Variants in PCDHGB1 observed in about 807,000 individuals in gnomAD.
The protein encoded by PCDHGB1 is protocadherin gamma subfamily B, 1.
PCDHGB1 carries 34 observed loss-of-function variants against 56.6 expected under a neutral mutation model. The ratio of observed to expected loss-of-function variants is 0.60; its 90% CI spans 0.46 to 0.80. The LOEUF is 0.80. PCDHGB1 is among the 30% of genes least tolerant of loss of function. The pLI is 0.00. For synonymous variants in PCDHGB1, 561 were observed against 505.9 expected (o/e 1.11, Z -1.46); for missense variants, 1,278 against 1,204.6 (o/e 1.06, Z -0.90).
At position 141,421,030 on chromosome 5, in the gene PCDHGB1, G is replaced by A. The variant is rs989158485; in HGVS notation, c.2409+68361G>A. The stretch of plus-strand genomic sequence containing the variant: ...GGAATGGGAAGCTGCGCGCCATTGA[G>A]TCCCTCCCTCCCCCGCCTCTACCAC... On this transcript the variant is annotated intron_variant, in intron 1 of 3. Coordinates refer to ENST00000523390, the MANE Select transcript of PCDHGB1 (RefSeq NM_018922.3). 39 of 532,352 alleles carry A rather than the reference G, an allele frequency of 7.3e-5. No homozygotes were observed. In the East Asian group the frequency reaches 1.2e-3, roughly 17 times the overall value. 33.0% of individuals were successfully genotyped at this position (532,352 alleles called of 1,614,324 possible). A position where few individuals can be genotyped will look rare whatever the true frequency, so the allele number is the denominator to read the frequency against.
At chr5:141,365,421 C>T in intron 1 of PCDHGB1, 1 of 1,614,014 alleles carries the variant, frequency 6.2e-7, no homozygotes, top group East Asian at 2.2e-5. Flanking sequence ...CTTCCCGGAA[C>T]TGTAATCGCG....
rs778294045 is a variant in PCDHGB1 at position 141,399,841 on chromosome 5, G to A, written c.2409+47172G>A. 2 of 1,612,968 alleles carry A rather than the reference G, an allele frequency of 1.2e-6. No homozygotes were observed. Among genetic ancestry groups the A allele is most frequent in the African/African-American group, 1.3e-5 (1 of 74,926 alleles). ...GGGTCCCGACGGCTCTGCGCTCTTC[G>A]ATATGGTGCCGCGCGCTGCAGAGCC... On this transcript the variant is annotated intron_variant, in intron 1 of 3. Transcript: ENST00000523390.
At chr5:141,441,872 G>A (rs1400648028) in intron 1 of PCDHGB1, 4 of 341,526 alleles carry the variant, frequency 1.2e-5, no homozygotes, top group East Asian at 9.4e-5. Context: ...GCGGAGCCTG[G>A]CTACCTGGTC....
intron 1 of PCDHGB1, chr5:141,362,469 A>G (rs1762523966): frequency 6.2e-7 from 1 of 1,613,958 alleles, no homozygotes; most frequent in Admixed American, 1.7e-5. Context: ...TTCCCGCGCA[A>G]GATCTCGTCT....
chr5:141,506,435 G>A (rs1470687416), intron 3 of PCDHGB1, among the ~76,000 whole-genome samples: 7 of 126,234 alleles, frequency 5.5e-5, no homozygotes, highest in African/African-American at 2.0e-4. Context: ...CAACAGTCTC[G>A]CTCTGTCTCA....
At chr5:141,383,843 A>G in intron 1 of PCDHGB1, 4 of 1,613,970 alleles carry the variant, frequency 2.5e-6, no homozygotes, top group Non-Finnish European at 2.5e-6. Flanking sequence ...ACTGCCTTCT[A>G]TGAAATGGAG....
intron 1 of PCDHGB1, chr5:141,421,454 T>C: frequency 6.2e-7 from 1 of 1,614,132 alleles, no homozygotes; most frequent in Non-Finnish European, 8.5e-7. Flanking sequence ...ACACAGCTTT[T>C]CGCTGTGAAT....
intron 1 of PCDHGB1, chr5:141,388,880 G>T: frequency 1.2e-6 from 2 of 1,613,982 alleles, no homozygotes; most frequent in Non-Finnish European, 1.7e-6. Flanking sequence ...GCACAGTGGA[G>T]GTAGAAGTCA....
intron 1 of PCDHGB1, chr5:141,360,941 G>T: frequency 6.2e-7 from 1 of 1,613,946 alleles, no homozygotes. Context: ...GCCACCGACC[G>T]GGATGAAGGC....
chr5:141,425,949 C>T (rs2096905190), intron 1 of PCDHGB1, among the ~76,000 whole-genome samples: 1 of 152,224 alleles, frequency 6.6e-6, no homozygotes. Flanking sequence ...GTTTCCTATA[C>T]ATTAGTCCAA....
chr5:141,380,608 T>C (rs1014267122), intron 1 of PCDHGB1, among the ~76,000 whole-genome samples: 2 of 152,244 alleles, frequency 1.3e-5, no homozygotes. Flanking sequence ...TATTTAATTT[T>C]ATGATGTTCG....
chr5:141,458,702 T>G (rs1333580253), intron 1 of PCDHGB1, among the ~76,000 whole-genome samples: 1 of 152,102 alleles, frequency 6.6e-6, no homozygotes, highest in East Asian at 1.9e-4. Context: ...CCCGAGTAGC[T>G]GGGATTACAG....
chr5:141,452,054 C>T (rs578157525), intron 1 of PCDHGB1, among the ~76,000 whole-genome samples: 2 of 152,078 alleles, frequency 1.3e-5, no homozygotes, highest in Admixed American at 1.3e-4. Flanking sequence ...TTTGTAATAA[C>T]TTATTCTACT....
At chr5:141,509,845 C>G (rs1021433327) in intron 3 of PCDHGB1, among the ~76,000 whole-genome samples, 1 of 152,190 alleles carries the variant, frequency 6.6e-6, no homozygotes, top group African/African-American at 2.4e-5. Context: ...CCCATTCACT[C>G]AGAACAGGGA....
chr5:141,351,088 T>C lies in PCDHGB1; in HGVS notation c.828T>C (p.Tyr276=). 6.2e-7 allele frequency: 1 copy of C among 1,614,076 alleles called. No individual in the cohort carries two copies. ...QDEGINAEIT[Y]AFLNSPISTS... ...AGGGCATTAATGCAGAGATCACCTA[T>C]GCCTTCCTCAATTCCCCAATAAGTA... Residue 276 remains tyrosine, a synonymous_variant, in exon 1 of 4, where the codon TAT becomes TAC. Coordinates refer to ENST00000523390, the MANE Select transcript of PCDHGB1 (RefSeq NM_018922.3).
chr5:141,393,206 A>G (rs774279389), intron 1 of PCDHGB1: 2 of 1,613,588 alleles, frequency 1.2e-6, no homozygotes, highest in Non-Finnish European at 1.7e-6. Flanking sequence ...ATAATAACCC[A>G]AAATTCCAGG....
At chr5:141,366,611 G>A (rs1479573730) in intron 1 of PCDHGB1, 2 of 1,614,240 alleles carry the variant, frequency 1.2e-6, no homozygotes, top group Admixed American at 1.7e-5. Context: ...CTCCCTCACC[G>A]CGGACTCGAG....
At chr5:141,414,305 A>G (rs2095732833) in intron 1 of PCDHGB1, 2 of 1,613,604 alleles carry the variant, frequency 1.2e-6, no homozygotes, top group African/African-American at 2.7e-5. Flanking sequence ...AATGTGCATG[A>G]TTTAGACTCT....
At position 141,430,677 on chromosome 5, in the gene PCDHGB1, T is replaced by C. The variant is rs888907330; in HGVS notation, c.2410-64130T>C. On this transcript the variant is annotated intron_variant, in intron 1 of 3. Coordinates refer to ENST00000523390, the MANE Select transcript of PCDHGB1 (RefSeq NM_018922.3). ...AACGGAGGAGCTCTGACTTCCCAAC[T>C]GTCCCATTCTATGGGCGAAGGAACT... 1.2e-5 allele frequency: 15 copies of C among 1,303,020 alleles called. No individual in the cohort carries two copies. In the African/African-American group the frequency reaches 2.1e-4, roughly 18 times the overall value. The allele number at this position is 1,303,020 out of a possible 1,614,324, so 80.7% of individuals were successfully genotyped here. A position where few individuals can be genotyped will look rare whatever the true frequency, so the allele number is the denominator to read the frequency against.
Sources: allele counts gnomAD v4.1 joint callset (sites outside exome capture counted in the v4.1 genomes callset), GRCh38; gene constraint gnomAD v4.1.1; transcripts MANE v1.5; gene names NCBI Gene and HGNC (gene_info 2026-07-23, HGNC 2026-07-21).